The following NELL2 variants were observed in gnomAD, a reference collection of about 807,000 sequenced individuals.
The protein encoded by NELL2 is neural EGFL like 2.
Under a neutral mutation model 109.6 loss-of-function variants are expected in NELL2, and 41 were observed. The ratio of observed to expected loss-of-function variants is 0.37; its 90% CI spans 0.29 to 0.49. NELL2 has a LOEUF of 0.49. Among genes scored for constraint, NELL2 ranks in the 20% least tolerant of loss-of-function variants. The pLI, the probability that NELL2 is intolerant of heterozygous loss-of-function variation, is 0.98. For synonymous variants in NELL2, 355 were observed against 344.7 expected (o/e 1.03, Z -0.33); for missense variants, 900 against 1,008.3 (o/e 0.89, Z 1.45).
chr12:44,550,361 A>G (rs772148047), intron 15 of NELL2, among the ~76,000 whole-genome samples: 3 of 151,886 alleles, frequency 2.0e-5, no homozygotes, highest in African/African-American at 4.8e-5. Flanking sequence ...TCACTGCAGC[A>G]TTATTAAAAT....
intron 9 of NELL2, among the ~76,000 whole-genome samples, chr12:44,720,035 T>A (rs1422048608): frequency 2.6e-5 from 4 of 152,208 alleles, no homozygotes; most frequent in Non-Finnish European, 5.9e-5. Context: ...CTACAACCTT[T>A]TTTTGTTAAC....
chr12:44,757,843 A>G (rs74742995), intron 9 of NELL2, among the ~76,000 whole-genome samples: 1,993 of 152,260 alleles, frequency 0.013, 37 homozygotes, highest in African/African-American at 0.041. Context: ...TCCTCAAAGC[A>G]TTAGGAAGTG....
chr12:44,709,814 G>A (rs1938097305), intron 11 of NELL2, among the ~76,000 whole-genome samples: 1 of 152,136 alleles, frequency 6.6e-6, no homozygotes, highest in Non-Finnish European at 1.5e-5. Flanking sequence ...CCTATGTTTG[G>A]ATGCCAAAGA....
At position 44,875,364 on chromosome 12, in the gene NELL2, G is replaced by T; in HGVS notation, c.56-11C>A. The T allele has an allele frequency of 6.2e-7, 1 of 1,614,110 alleles. No individual in the cohort carries two copies. Reference sequence around the variant, plus strand: ...CACCAAGCCCCCAAACTGGTGAGGGGTATGAGGTGGGAGAGAGAAAAAGGA... The same window carrying T: ...CACCAAGCCCCCAAACTGGTGAGGGTTATGAGGTGGGAGAGAGAAAAAGGA... On this transcript the variant is annotated splice_polypyrimidine_tract_variant and intron_variant, in intron 1 of 19. Coordinates refer to ENST00000429094, the MANE Select transcript of NELL2 (RefSeq NM_001145108.2).
At chr12:44,662,979 G>C (rs986392308) in intron 13 of NELL2, among the ~76,000 whole-genome samples, 9 of 152,066 alleles carry the variant, frequency 5.9e-5, no homozygotes, top group Non-Finnish European at 2.9e-5. Context: ...ACAAGTATGT[G>C]GGTGTCTGTT....
At chr12:44,576,219 C>A (rs1039383417) in intron 15 of NELL2, among the ~76,000 whole-genome samples, 1 of 152,234 alleles carries the variant, frequency 6.6e-6, no homozygotes, top group Admixed American at 6.5e-5. Context: ...CCACTCCCCA[C>A]GCACAACGTG....
intron 2 of NELL2, among the ~76,000 whole-genome samples, chr12:44,820,383 C>G (rs1363176320): frequency 6.6e-6 from 1 of 151,980 alleles, no homozygotes; most frequent in Non-Finnish European, 1.5e-5. Context: ...CCGAAGCGGA[C>G]AGATCACGAG....
At chr12:44,588,252 C>G (rs1386223783) in intron 15 of NELL2, among the ~76,000 whole-genome samples, 1 of 152,052 alleles carries the variant, frequency 6.6e-6, no homozygotes, top group African/African-American at 2.4e-5. Flanking sequence ...CATAGCACAT[C>G]TGGACACATC....
chr12:44,662,174 C>G (rs890282333), intron 13 of NELL2, among the ~76,000 whole-genome samples: 9 of 152,168 alleles, frequency 5.9e-5, no homozygotes, highest in African/African-American at 1.9e-4. Context: ...GTCAGAGGCC[C>G]AGAAAATGGT....
At chr12:44,667,893 C>T (rs1162217642) in intron 12 of NELL2, among the ~76,000 whole-genome samples, 1 of 152,186 alleles carries the variant, frequency 6.6e-6, no homozygotes, top group Non-Finnish European at 1.5e-5. Context: ...TGGGCCCTCA[C>T]AGGCCCTGAG....
chr12:44,881,170 A>T (rs183144605), upstream of NELL2, among the ~76,000 whole-genome samples: 5 of 152,192 alleles, frequency 3.3e-5, no homozygotes, highest in Middle Eastern at 3.4e-3. Flanking sequence ...CACAGTACTT[A>T]ACAAAATTCA....
intron 15 of NELL2, among the ~76,000 whole-genome samples, chr12:44,537,105 T>A (rs1180444269): frequency 1.3e-5 from 2 of 150,628 alleles, no homozygotes; most frequent in Non-Finnish European, 3.0e-5. Flanking sequence ...CTCTTTCAGG[T>A]ATGGTAGCAC....
chr12:44,684,614 T>C (rs1166764317), intron 12 of NELL2, among the ~76,000 whole-genome samples: 4 of 152,248 alleles, frequency 2.6e-5, no homozygotes, highest in Non-Finnish European at 5.9e-5. Context: ...TCTGGTATGT[T>C]GTGTCTTTGT....
At position 44,885,735 on chromosome 12, in the gene NELL2, C is replaced by A. The variant is rs73281099; in HGVS notation, c.39-9835G>T. The stretch of plus-strand genomic sequence containing the variant: ...TTGATATAAAGATTCAAGAAAATCT[C>A]AATAAAAATCCCAGCAGGCTATTTT... On this transcript the variant is annotated intron_variant, in intron 1 of 20. Coordinates refer to the NELL2 transcript ENST00000333837. Among the ~76,000 whole-genome samples the A allele has an allele frequency of 4.5e-3, 681 of 151,758 alleles. 12 individuals are homozygous for A. Among genetic ancestry groups the A allele is most frequent in the African/African-American group, 0.015 (625 of 41,320 alleles).
chr12:44,767,409 G>T (rs1941379361), intron 9 of NELL2, among the ~76,000 whole-genome samples: 1 of 152,142 alleles, frequency 6.6e-6, no homozygotes, highest in Non-Finnish European at 1.5e-5. Flanking sequence ...TCCACCTGGT[G>T]CTCCCTTGCC....
chr12:44,522,205 C>CA (rs1941572345), intron 17 of NELL2, 29 bp from the exon 18 acceptor site: 2 of 1,602,832 alleles, frequency 1.2e-6, no homozygotes, highest in East Asian at 2.2e-5. Flanking sequence ...AAGCAGTTAC[C>CA]AAAAACCTCC....
At chr12:44,610,784 G>A (rs1566015360) in intron 14 of NELL2, 64 bp downstream of exon 14, 16 of 1,602,944 alleles carry the variant, frequency 1.0e-5, no homozygotes, top group Non-Finnish European at 1.4e-5. Context: ...ATAAGGTGTA[G>A]AGGAAGGTAG....
chr12:44,633,696 C>T (rs931966373), intron 13 of NELL2, among the ~76,000 whole-genome samples: 5 of 152,098 alleles, frequency 3.3e-5, no homozygotes, highest in South Asian at 2.1e-4. Context: ...ATTCATATGA[C>T]GTTCTCCAAT....
intron 12 of NELL2, among the ~76,000 whole-genome samples, chr12:44,683,836 G>A (rs1325022404): frequency 1.3e-5 from 2 of 152,184 alleles, no homozygotes; most frequent in Admixed American, 6.5e-5. Flanking sequence ...ATTTTATTGA[G>A]AATTTTTGCA....
Sources: gnomAD v4.1 joint callset for allele counts (sites outside exome capture counted in the v4.1 genomes callset) on GRCh38, gnomAD v4.1.1 for gene constraint, MANE v1.5 for transcripts, NCBI Gene and HGNC (gene_info 2026-07-23, HGNC 2026-07-21) for gene names.